The following ATP11B variants were observed in gnomAD, a reference collection of about 807,000 sequenced individuals.
The protein encoded by ATP11B is phospholipid-transporting ATPase IF.
Under a neutral mutation model 157.8 loss-of-function variants are expected in ATP11B, and 81 were observed. The ratio of observed to expected loss-of-function variants is 0.51; its 90% CI spans 0.43 to 0.62. ATP11B has a LOEUF of 0.62. Ranked by LOEUF, ATP11B falls within the 20% of genes least tolerant of loss-of-function variation. ATP11B has a pLI of 0.00. For missense variants in ATP11B, 1,165 were observed against 1,402.2 expected (o/e 0.83, Z 2.70); for synonymous variants, 451 against 469.4 (o/e 0.96, Z 0.51).
chr3:182,877,898 C>T (rs1722156667), intron 19 of ATP11B, among the ~76,000 whole-genome samples: 1 of 152,066 alleles, frequency 6.6e-6, no homozygotes, highest in African/African-American at 2.4e-5. Flanking sequence ...TGAAGCCTGT[C>T]CAGAGGAAAA....
chr3:182,912,996 C>CA (rs1724898877), intron 28 of ATP11B, among the ~76,000 whole-genome samples: 2 of 152,012 alleles, frequency 1.3e-5, no homozygotes, highest in Admixed American at 6.5e-5. Context: ...CGTGGTCATA[C>CA]CATCTTTCCC....
At chr3:182,806,372 G>A (rs566359370) in intron 1 of ATP11B, among the ~76,000 whole-genome samples, 1 of 152,082 alleles carries the variant, frequency 6.6e-6, no homozygotes, top group South Asian at 2.1e-4. Context: ...CTGCATTTGC[G>A]TGTGCTTTCA....
At position 182,837,186 on chromosome 3, in the gene ATP11B, T is replaced by C; in HGVS notation, c.656+12T>C. On this transcript the variant is annotated intron_variant, in intron 7 of 29. Transcript: ENST00000323116. ...GCAGACTTATACAGGTATGGTGTGA[T>C]ATTCAGTATACTTATTTTAAGTCCT... is the stretch of plus-strand genomic sequence containing the variant. The C allele has an allele frequency of 6.5e-7, 1 of 1,533,186 alleles. No individual in the cohort carries two copies. Among genetic ancestry groups the C allele is most frequent in the African/African-American group, 1.4e-5 (1 of 73,010 alleles). 95.0% of individuals were successfully genotyped at this position (1,533,186 alleles called of 1,614,324 possible).
intron 1 of ATP11B, among the ~76,000 whole-genome samples, chr3:182,812,105 A>C (rs929691140): frequency 3.9e-5 from 6 of 152,168 alleles, no homozygotes; most frequent in South Asian, 2.1e-4. Context: ...ACTTCAATAC[A>C]TTTTTTAATG....
At chr3:182,856,260 T>A (rs1720394536) in intron 10 of ATP11B, among the ~76,000 whole-genome samples, 1 of 152,094 alleles carries the variant, frequency 6.6e-6, no homozygotes, top group Admixed American at 6.6e-5. Context: ...AGTAAAAAAA[T>A]TAGGTAATAG....
At chr3:182,808,075 G>A (rs1269595743) in intron 1 of ATP11B, among the ~76,000 whole-genome samples, 2 of 152,200 alleles carry the variant, frequency 1.3e-5, no homozygotes, top group East Asian at 3.8e-4. Context: ...GGCGGATAAA[G>A]CTTGAGCACA....
intron 28 of ATP11B, chr3:182,902,429 A>C: frequency 9.0e-7 from 1 of 1,110,332 alleles, no homozygotes; most frequent in Non-Finnish European, 1.2e-6. Context: ...TTAGGTGATG[A>C]ATACAGCTCA....
At chr3:182,800,094 A>G (rs1016101292) in intron 1 of ATP11B, among the ~76,000 whole-genome samples, 2 of 152,186 alleles carry the variant, frequency 1.3e-5, no homozygotes, top group Non-Finnish European at 2.9e-5. Context: ...TGGATGACAG[A>G]GTAAGACCCT....
chr3:182,823,878 T>C (rs185972597), intron 2 of ATP11B, among the ~76,000 whole-genome samples: 2 of 152,152 alleles, frequency 1.3e-5, no homozygotes, highest in Non-Finnish European at 2.9e-5. Flanking sequence ...AATTTATCAG[T>C]TTTAAGTGTG....
At chr3:182,807,057 T>A (rs1716370124) in intron 1 of ATP11B, among the ~76,000 whole-genome samples, 1 of 151,852 alleles carries the variant, frequency 6.6e-6, no homozygotes, top group African/African-American at 2.4e-5. Flanking sequence ...AAAAAAAGAC[T>A]ATCTGTCTTT....
chr3:182,836,167 A>G, intron 5 of ATP11B, 25 bp downstream of exon 5: 3 of 1,594,770 alleles, frequency 1.9e-6, no homozygotes, highest in Non-Finnish European at 2.6e-6. Flanking sequence ...AATAATGGAA[A>G]TCAACTTTAT....
At position 182,893,697 on chromosome 3, in the gene ATP11B, G is replaced by A. The variant is rs1723329238; in HGVS notation, c.2983-3003G>A. On this transcript the variant is annotated intron_variant, in intron 25 of 29. Transcript: ENST00000323116. The stretch of plus-strand genomic sequence containing the variant: ...TTGTATAATGACTTCTTTTCCTCTG[G>A]GTAGATAGAAGGAGTGGGATTGCTG... 2.0e-5 allele frequency among the ~76,000 whole-genome samples: 3 copies of A among 152,088 alleles called. No individual in the cohort carries two copies. In the South Asian group the frequency reaches 6.2e-4, roughly 32 times the overall value.
At chr3:182,839,488 C>A (rs1257073609) in intron 7 of ATP11B, among the ~76,000 whole-genome samples, 1 of 152,064 alleles carries the variant, frequency 6.6e-6, no homozygotes, top group Non-Finnish European at 1.5e-5. Context: ...AAGATGGAAT[C>A]ATTGATAGCT....
intron 2 of ATP11B, among the ~76,000 whole-genome samples, chr3:182,826,280 T>C (rs904480853): frequency 7.2e-5 from 11 of 152,232 alleles, no homozygotes; most frequent in Non-Finnish European, 1.6e-4. Flanking sequence ...CCTTGTATTA[T>C]TGAACTAGCC....
chr3:182,799,746 A>G (rs1715865290), intron 1 of ATP11B, among the ~76,000 whole-genome samples: 1 of 152,198 alleles, frequency 6.6e-6, no homozygotes, highest in Non-Finnish European at 1.5e-5. Context: ...AACATAGTTG[A>G]AAGATTTTAT....
rs550157097 is a variant in ATP11B, at chr3:182,845,454, C to G, written c.705-4C>G. The G allele has an allele frequency of 6.3e-6, 10 of 1,587,638 alleles. No homozygotes were observed. Among genetic ancestry groups the G allele is most frequent in the Admixed American group, 3.9e-5 (2 of 51,190 alleles). On this transcript the variant is annotated splice_region_variant and splice_polypyrimidine_tract_variant and intron_variant, in intron 8 of 29. Transcript: ENST00000323116. ...GCTTTATGGTTATTTTCTTTTTTTCCTAGACCTCTGGGGCCGGAGAGTCTC... is the reference window on the plus strand; with the variant it reads ...GCTTTATGGTTATTTTCTTTTTTTCGTAGACCTCTGGGGCCGGAGAGTCTC...
intron 21 of ATP11B, among the ~76,000 whole-genome samples, chr3:182,881,293 G>T (rs538361105): frequency 1.3e-5 from 2 of 152,244 alleles, no homozygotes; most frequent in Admixed American, 1.3e-4. Flanking sequence ...AATTAGCCAG[G>T]CGTGGTGGCA....
intron 1 of ATP11B, among the ~76,000 whole-genome samples, chr3:182,797,553 C>T (rs1576937910): frequency 2.0e-5 from 3 of 151,888 alleles, no homozygotes; most frequent in South Asian, 4.2e-4. Context: ...ACTAAAAATC[C>T]GAAAATTTGC....
chr3:182,847,240 C>T (rs148771930), intron 9 of ATP11B, among the ~76,000 whole-genome samples: 319 of 151,950 alleles, frequency 2.1e-3, no homozygotes, highest in Middle Eastern at 0.014. Context: ...TAGTAGACCA[C>T]GTTGGCCAGG....
Sources: gnomAD v4.1 joint callset for allele counts (sites outside exome capture counted in the v4.1 genomes callset) on GRCh38, gnomAD v4.1.1 for gene constraint, MANE v1.5 for transcripts, NCBI Gene and HGNC (gene_info 2026-07-23, HGNC 2026-07-21) for gene names.